The following HAGH variants were observed in gnomAD, a reference collection of about 807,000 sequenced individuals.
HAGH encodes the protein hydroxyacylglutathione hydrolase, also known as hydroxyacylglutathione hydrolase, mitochondrial.
In HAGH, 29 loss-of-function variants were observed where a neutral mutation model predicts 35.1. That is an observed-to-expected ratio of 0.83 (90% CI 0.62 to 1.13). The LOEUF (loss-of-function observed/expected upper bound fraction) is 1.13. Among genes scored for constraint, HAGH ranks in the 50% most tolerant of loss-of-function variants. The probability of loss-of-function intolerance (pLI) is 0.00; values close to 1 mark genes in which losing one functional copy is unlikely to be tolerated. For missense variants in HAGH, 478 were observed against 419.6 expected, an observed-to-expected ratio of 1.14 and a Z score of -1.22; for synonymous variants, 225 against 176.1, an observed-to-expected ratio of 1.28 and a Z score of -2.20.
intron 4 of HAGH, 164 bp downstream of exon 4, chr16:1,819,733 T>C: frequency 1.6e-6 from 1 of 643,820 alleles, no homozygotes; most frequent in Non-Finnish European, 2.8e-6. Flanking sequence ...CACACTCCTC[T>C]CCTTGTGCCT....
chr16:1,809,373 C>CAG lies in HAGH; in HGVS notation c.836_837insCT (p.Val280TrpfsTer12). 6.2e-7 allele frequency: 1 copy of CAG among 1,610,740 alleles called. No individual in the cohort carries two copies. Among genetic ancestry groups the CAG allele is most frequent in the Non-Finnish European group, 8.5e-7 (1 of 1,179,608 alleles). On this transcript the variant is annotated frameshift_variant, in exon 9 of 9. Coordinates refer to ENST00000397356, the MANE Select transcript of HAGH (RefSeq NM_005326.6). LOFTEE classifies it high-confidence loss of function. ...CCGTCTCACCTGCGTGCTGCTGCAC[C>CAG]GTCTTCTCCCTGCGGAGGCCAGCAC...
chr16:1,809,596 C>G (rs1370348038), intron 8 of HAGH, 158 bp downstream of exon 8: 2 of 701,916 alleles, frequency 2.8e-6, no homozygotes, highest in East Asian at 2.5e-5. Flanking sequence ...AAAGGCCGGA[C>G]CCCCCTCAAG....
chr16:1,826,538 CGCTCCGCGCCA>C lies in HAGH; in HGVS notation c.76+163_76+173del, dbSNP rs981467765. 24 of 981,674 alleles carry C rather than the reference CGCTCCGCGCCA, an allele frequency of 2.4e-5. No homozygotes were observed. The African/African-American group carries it at 3.3e-4, about 14-fold the overall frequency. The allele number at this position is 981,674 out of a possible 1,614,324, so 60.8% of individuals were successfully genotyped here. On this transcript the variant is annotated intron_variant, in intron 1 of 8. Coordinates refer to ENST00000397356, the MANE Select transcript of HAGH (RefSeq NM_005326.6). ...CTTTCCGCACCCGCGGCCCCGCGCC[CGCTCCGCGCCA>C]GCCTCAGCGCCTGCGCCGCCTCCGC...
At chr16:1,809,522 C>A in intron 8 of HAGH, 140 bp from the exon 9 acceptor site, 2 of 707,248 alleles carry the variant, frequency 2.8e-6, no homozygotes, top group Non-Finnish European at 2.4e-6. Context: ...GGCAGCCACT[C>A]CCCTTCTGAC....
Position 1,819,115 on chromosome 16 carries a change from C to T in HAGH, c.541G>A (p.Gly181Ser), listed in dbSNP as rs1372087702. 1 of 1,593,506 alleles carries T rather than the reference C, an allele frequency of 6.3e-7. No homozygotes were observed. Among genetic ancestry groups the T allele is most frequent in the Non-Finnish European group, 8.6e-7 (1 of 1,161,812 alleles). ...CCCCCACCCACACTCGAACACGCAC[C>T]TGTGAACACGGCAGGGGGCTCCGAG... ...GGSEPPAVFT[G>S]DTLFVAGCGK... Residue 181 changes from glycine to serine, a missense_variant and splice_region_variant, in exon 5 of 9, where the codon GGT (glycine) becomes AGT (serine). By Grantham distance (56) the Gly-to-Ser change is moderately conservative (BLOSUM62 0). Transcript: ENST00000397356.
At position 1,811,662 on chromosome 16, in the gene HAGH, G is replaced by A. The variant is rs774866167; in HGVS notation, c.748-1829C>T. ...CGGGAGGCGGAGGCTGCAGTAGTGA[G>A]CCGAGATCGCACCACTGCACTCCAG... On this transcript the variant is annotated intron_variant, in intron 7 of 8. Transcript: ENST00000397356. Among the ~76,000 whole-genome samples the A allele has an allele frequency of 2.0e-5, 3 of 152,012 alleles. 1 individual carries two copies. The South Asian group carries it at 6.2e-4, about 31-fold the overall frequency.
chr16:1,823,744 TAAAA>T (rs71145496), intron 1 of HAGH, among the ~76,000 whole-genome samples: 19 of 55,922 alleles, frequency 3.4e-4, no homozygotes, highest in African/African-American at 8.0e-4. Flanking sequence ...ACCTGTTCCT[TAAAA>T]AAAAAAAAAA....
chr16:1,819,328 G>A (rs1324987576), intron 4 of HAGH, 105 bp from the exon 5 acceptor site: 1 of 669,090 alleles, frequency 1.5e-6, no homozygotes, highest in African/African-American at 1.8e-5. Context: ...TCAGCTCTGA[G>A]GGAAATGCCC....
At chr16:1,812,181 C>G (rs113033371) in intron 7 of HAGH, among the ~76,000 whole-genome samples, 2 of 115,756 alleles carry the variant, frequency 1.7e-5, no homozygotes, top group Non-Finnish European at 3.4e-5. Flanking sequence ...CAGAGCAAGA[C>G]GCTGTCTCTC....
chr16:1,809,048 C>T lies in HAGH; in HGVS notation c.*235G>A, dbSNP rs1341197648. On this transcript the variant is annotated 3_prime_UTR_variant, in exon 9 of 9. Coordinates refer to ENST00000397356, the MANE Select transcript of HAGH (RefSeq NM_005326.6). Reference sequence around the variant, plus strand: ...GTGGCTCACGGAGGAGGAAGGAGGCCCGAGGGGACAAGCAGAGGCCTAAAG... The same window carrying T: ...GTGGCTCACGGAGGAGGAAGGAGGCTCGAGGGGACAAGCAGAGGCCTAAAG... The T allele has an allele frequency of 6.2e-6, 3 of 480,858 alleles. No homozygotes were observed. Among genetic ancestry groups the T allele is most frequent in the Non-Finnish European group, 7.4e-6 (2 of 269,548 alleles). 29.8% of individuals were successfully genotyped at this position (480,858 alleles called of 1,614,324 possible).
intron 7 of HAGH, chr16:1,812,520 CAAAA>C (rs11367242): frequency 2.1e-5 from 3 of 141,568 alleles, no homozygotes; most frequent in Non-Finnish European, 4.6e-5. Context: ...AAAAAAAAAA[CAAAA>C]AAAAAACACA....
upstream of HAGH, chr16:1,826,968 A>G (rs1463051882): frequency 8.2e-6 from 5 of 606,256 alleles, no homozygotes; most frequent in Non-Finnish European, 1.3e-5. Flanking sequence ...CCCGACTGCC[A>G]CGGGCCGGGA....
intron 7 of HAGH, among the ~76,000 whole-genome samples, chr16:1,813,338 C>T (rs568824704): frequency 1.3e-5 from 2 of 152,314 alleles, no homozygotes; most frequent in East Asian, 3.9e-4. Flanking sequence ...GACGCCCAGG[C>T]CATGCTGCTT....
intron 6 of HAGH, 82 bp from the exon 7 acceptor site, chr16:1,817,076 G>A (rs536669329): frequency 1.0e-3 from 1,326 of 1,329,786 alleles, no homozygotes; most frequent in Non-Finnish European, 1.4e-3. Context: ...GATGCCCCCG[G>A]GGGGTGTCCG....
intron 7 of HAGH, among the ~76,000 whole-genome samples, chr16:1,811,358 G>C (rs2262271): frequency 0.7 from 106,242 of 151,726 alleles, 37,586 homozygotes; most frequent in Middle Eastern, 0.8. Context: ...AGGCTGCAGC[G>C]AGCCAAGACC....
Position 1,819,161 on chromosome 16 carries a change from G to A in HAGH, c.495C>T (p.Tyr165=). The A allele has an allele frequency of 2.5e-6, 4 of 1,613,340 alleles. No individual in the cohort carries two copies. Among genetic ancestry groups the A allele is most frequent in the Non-Finnish European group, 3.4e-6 (4 of 1,179,752 alleles). The change falls in exon 5 of 9, where the codon TAC becomes TAT. Residue 165 remains tyrosine (Y), a synonymous_variant. Coordinates refer to ENST00000397356, the MANE Select transcript of HAGH (RefSeq NM_005326.6). ...CCGAGCCTCCGGGCTTGCTCACGAA[G>A]TAACAAATGTGTCCTGAAGTGTGGC... The part of the protein sequence containing the change: ...TPCHTSGHIC[Y]FVSKPGGSEP...
intron 1 of HAGH, among the ~76,000 whole-genome samples, chr16:1,824,942 G>A (rs12929029): frequency 0.059 from 9,025 of 152,240 alleles, 288 homozygotes; most frequent in East Asian, 0.12. Flanking sequence ...CAGGTGGGGT[G>A]CAGAAGGGTT....
intron 5 of HAGH, 129 bp from the exon 6 acceptor site, chr16:1,817,400 C>T (rs140304120): frequency 9.8e-5 from 67 of 680,412 alleles, no homozygotes; most frequent in African/African-American, 9.4e-4. Context: ...CCTCCGGCCA[C>T]GGCTGCCCAG....
At chr16:1,815,793 CG>C (rs1897863547) in intron 7 of HAGH, among the ~76,000 whole-genome samples, 2 of 152,102 alleles carry the variant, frequency 1.3e-5, no homozygotes, top group East Asian at 3.9e-4. Context: ...CCAAGGCAGG[CG>C]GATTACCTGA....
Sources: gnomAD v4.1 joint callset for allele counts (sites outside exome capture counted in the v4.1 genomes callset) on GRCh38, gnomAD v4.1.1 for gene constraint, MANE v1.5 for transcripts, NCBI Gene and HGNC (gene_info 2026-07-23, HGNC 2026-07-21) for gene names.